The following LRRC37A variants were observed in gnomAD, a reference collection of about 807,000 sequenced individuals.
LRRC37A encodes leucine-rich repeat-containing protein 37A.
Under a neutral mutation model 35.4 loss-of-function variants are expected in LRRC37A, and 3 were observed. The ratio of observed to expected loss-of-function variants is 0.08; its 90% CI spans 0.04 to 0.22. LRRC37A has a LOEUF of 0.22. Among genes scored for constraint, LRRC37A ranks in the 10% least tolerant of loss-of-function variants. The probability of loss-of-function intolerance (pLI) is 1.00; values close to 1 mark genes in which losing one functional copy is unlikely to be tolerated. For synonymous variants in LRRC37A, 23 were observed against 215.0 expected (o/e 0.11, Z 7.81); for missense variants, 67 against 565.3 (o/e 0.12, Z 8.94).
chr17:46,259,019 A>ATTTTTTTTT, the LRRC37A span, among the ~76,000 whole-genome samples: 1,721 of 79,280 alleles, frequency 0.022, 73 homozygotes, highest in Non-Finnish European at 0.029. Context: ...CACCCGGCCT[A>ATTTTTTTTT]TTTTTTTTTT....
At chr17:46,269,249 C>G in the LRRC37A span, among the ~76,000 whole-genome samples, 1 of 152,182 alleles carries the variant, frequency 6.6e-6, no homozygotes, top group Non-Finnish European at 1.5e-5. Context: ...TTAAAAAGTA[C>G]CAAGCCGGGC....
At chr17:46,251,763 G>A in the LRRC37A span, among the ~76,000 whole-genome samples, 1 of 150,096 alleles carries the variant, frequency 6.7e-6, no homozygotes, top group Non-Finnish European at 1.5e-5. Context: ...TCCCCATGCA[G>A]TTTCAGGGGC....
intron 5 of LRRC37A, among the ~76,000 whole-genome samples, chr17:46,317,123 T>G: frequency 1.1e-5 from 1 of 88,550 alleles, no homozygotes; most frequent in Middle Eastern, 5.2e-3. Context: ...AATGAGCTGT[T>G]GGGTACACCT....
At chr17:46,323,620 C>T (rs2051524740) in intron 7 of LRRC37A, among the ~76,000 whole-genome samples, 1 of 98,136 alleles carries the variant, frequency 1.0e-5, no homozygotes, top group African/African-American at 3.3e-5. Flanking sequence ...TGGTTTCGAA[C>T]TCCTGACCTC....
At chr17:46,281,593 T>G in the LRRC37A span, among the ~76,000 whole-genome samples, 3 of 152,184 alleles carry the variant, frequency 2.0e-5, no homozygotes, top group African/African-American at 7.2e-5. Flanking sequence ...CTATGCCTGG[T>G]TAATTTTTAA....
the LRRC37A span, among the ~76,000 whole-genome samples, chr17:46,252,513 A>T: frequency 1.3e-5 from 2 of 148,206 alleles, no homozygotes; most frequent in Admixed American, 6.9e-5. Flanking sequence ...TAGGCAGAGG[A>T]CCCTGCGCCT....
At chr17:46,275,528 T>C in the LRRC37A span, 4 of 572,986 alleles carry the variant, frequency 7.0e-6, no homozygotes, top group Non-Finnish European at 1.3e-5. Flanking sequence ...TGTTCTTTCA[T>C]TCACCCTTGG....
At chr17:46,311,224 C>A in intron 5 of LRRC37A, 1 of 415,248 alleles carries the variant, frequency 2.4e-6, no homozygotes, top group Non-Finnish European at 4.7e-6. Context: ...GTGATGCAGT[C>A]CGAGGTCTTG....
the LRRC37A span, chr17:46,260,617 TC>T: frequency 1.6e-5 from 21 of 1,282,098 alleles, no homozygotes; most frequent in East Asian, 5.3e-5. Context: ...GGCTCTCTAT[TC>T]TCTTTTTTTT....
the LRRC37A span, among the ~76,000 whole-genome samples, chr17:46,271,368 G>T: frequency 2.6e-4 from 36 of 140,256 alleles, no homozygotes; most frequent in Non-Finnish European, 4.8e-4. Flanking sequence ...TTTTAGTAGA[G>T]ATGGGGTTTC....
upstream of LRRC37A, among the ~76,000 whole-genome samples, chr17:46,287,982 A>G (rs368614860): frequency 1.3e-5 from 2 of 152,226 alleles, no homozygotes; most frequent in African/African-American, 4.8e-5. Context: ...ATTACCATGA[A>G]TCACAGGGAA....
chr17:46,257,914 C>T, the LRRC37A span, among the ~76,000 whole-genome samples: 1 of 152,144 alleles, frequency 6.6e-6, no homozygotes, highest in South Asian at 2.1e-4. Context: ...CTGGGAGGGA[C>T]TTAGCTGGGT....
chr17:46,284,202 C>T, the LRRC37A span, among the ~76,000 whole-genome samples: 2 of 152,240 alleles, frequency 1.3e-5, no homozygotes, highest in African/African-American at 4.8e-5. Flanking sequence ...CTTTCCCTTC[C>T]CACGAGGCCA....
the LRRC37A span, among the ~76,000 whole-genome samples, chr17:46,276,361 T>G: frequency 6.6e-6 from 1 of 152,260 alleles, no homozygotes; most frequent in Non-Finnish European, 1.5e-5. Flanking sequence ...AATAAATTTT[T>G]TACCACTATA....
At chr17:46,277,622 ATTTCT>A in the LRRC37A span, among the ~76,000 whole-genome samples, 19 of 134,974 alleles carry the variant, frequency 1.4e-4, no homozygotes, top group African/African-American at 4.8e-4. Context: ...CTCTGGGTAG[ATTTCT>A]TTTCTTTTCT....
At chr17:46,287,333 C>T in the LRRC37A span, among the ~76,000 whole-genome samples, 21,457 of 151,520 alleles carry the variant, frequency 0.14, 1,884 homozygotes, top group Non-Finnish European at 0.21. Flanking sequence ...AAGACTTACA[C>T]CTGTCAAACC....
At chr17:46,258,707 C>CTTGTTTTTTTTTT in the LRRC37A span, among the ~76,000 whole-genome samples, 62 of 81,064 alleles carry the variant, frequency 7.6e-4, no homozygotes, top group Non-Finnish European at 1.2e-3. Flanking sequence ...GACTATTATT[C>CTTGTTTTTTTTTT]TTTTTTTTTT....
chr17:46,269,924 C>T, the LRRC37A span, among the ~76,000 whole-genome samples: 13 of 152,166 alleles, frequency 8.5e-5, no homozygotes, highest in Non-Finnish European at 1.9e-4. Context: ...CAATATTAAC[C>T]AATGACAGCT....
the LRRC37A span, among the ~76,000 whole-genome samples, chr17:46,254,381 G>C: frequency 1.1e-4 from 16 of 149,678 alleles, no homozygotes; most frequent in South Asian, 2.1e-4. Flanking sequence ...GGAAGCCGAG[G>C]CTGGCCATTT....
Sources: allele counts gnomAD v4.1 joint callset (sites outside exome capture counted in the v4.1 genomes callset), GRCh38; gene constraint gnomAD v4.1.1; transcripts MANE v1.5; gene names NCBI Gene and HGNC (gene_info 2026-07-23, HGNC 2026-07-21).